ELP3: variants seen among roughly 807,000 people sequenced by gnomAD.
The protein encoded by ELP3 is elongator acetyltransferase complex subunit 3.
Under a neutral mutation model 74.9 loss-of-function variants are expected in ELP3, and 56 were observed. That is an observed-to-expected ratio of 0.75 (90% CI 0.60 to 0.93). The LOEUF is 0.93. Ranked by LOEUF, ELP3 falls within the 40% of genes least tolerant of loss-of-function variation. ELP3 has a pLI of 0.00. For synonymous variants in ELP3, 222 were observed against 239.8 expected, an observed-to-expected ratio of 0.93 and a Z score of 0.68; for missense variants, 573 against 686.5, an observed-to-expected ratio of 0.83 and a Z score of 1.85.
At chr8:28,183,366 C>T in intron 14 of ELP3, 1 of 391,200 alleles carries the variant, frequency 2.6e-6, no homozygotes, top group Non-Finnish European at 5.1e-6. Context: ...TAGGAAAGCT[C>T]AGGGTGTAGA....
chr8:28,111,126 C>T (rs1166087042), intron 6 of ELP3, among the ~76,000 whole-genome samples: 2 of 152,014 alleles, frequency 1.3e-5, no homozygotes, highest in Admixed American at 6.6e-5. Context: ...AGGAAATTTC[C>T]TACAAAGGAG....
chr8:28,179,760 G>T (rs1031213980), intron 14 of ELP3, among the ~76,000 whole-genome samples: 2 of 152,126 alleles, frequency 1.3e-5, no homozygotes, highest in African/African-American at 2.4e-5. Context: ...TAGGATTTGT[G>T]CTCCTTTGAG....
At chr8:28,129,249 A>C in intron 7 of ELP3, 2 of 372,900 alleles carry the variant, frequency 5.4e-6, no homozygotes, top group Non-Finnish European at 9.8e-6. Flanking sequence ...CAGTCACGTC[A>C]ATCTTATGAG....
At chr8:28,165,094 GC>G (rs760008448) in intron 14 of ELP3, among the ~76,000 whole-genome samples, 23 of 152,142 alleles carry the variant, frequency 1.5e-4, no homozygotes, top group Admixed American at 4.6e-4. Context: ...TTCCTGCTTT[GC>G]CAGTAGCTCT....
intron 11 of ELP3, among the ~76,000 whole-genome samples, chr8:28,157,158 C>G (rs1338960396): frequency 6.6e-6 from 1 of 151,994 alleles, no homozygotes; most frequent in Admixed American, 6.6e-5. Flanking sequence ...TTGTTAGCCT[C>G]TATTAAAGTA....
At chr8:28,095,777 C>T (rs7000859) in intron 1 of ELP3, among the ~76,000 whole-genome samples, 3,347 of 152,240 alleles carry the variant, frequency 0.022, 146 homozygotes, top group African/African-American at 0.077. Context: ...ACCTACCCTC[C>T]GTGTTACTGT....
intron 14 of ELP3, among the ~76,000 whole-genome samples, chr8:28,187,987 C>T (rs751437651): frequency 1.4e-4 from 21 of 152,066 alleles, no homozygotes; most frequent in African/African-American, 5.1e-4. Context: ...GTTAGGGATA[C>T]GAGGAGGAAG....
chr8:28,104,134 A>C (rs1349294510), intron 3 of ELP3, among the ~76,000 whole-genome samples: 1 of 152,120 alleles, frequency 6.6e-6, no homozygotes, highest in Admixed American at 6.5e-5. Flanking sequence ...CCGTATACTT[A>C]TTTGCCACTG....
At chr8:28,170,873 G>C (rs367645035) in intron 14 of ELP3, among the ~76,000 whole-genome samples, 7 of 152,094 alleles carry the variant, frequency 4.6e-5, no homozygotes, top group Non-Finnish European at 7.4e-5. Context: ...CCATTAAGCA[G>C]TAACTCCCAG....
Position 28,190,402 on chromosome 8 carries a change from C to G in ELP3, c.*677C>G, listed in dbSNP as rs1383800338. The G allele has an allele frequency of 6.6e-6, 1 of 152,222 alleles. No individual in the cohort carries two copies. Among genetic ancestry groups the G allele is most frequent in the African/African-American group, 2.4e-5 (1 of 41,420 alleles). 9.4% of individuals were successfully genotyped at this position (152,222 alleles called of 1,614,324 possible). On this transcript the variant is annotated 3_prime_UTR_variant, in exon 15 of 15. Transcript: ENST00000256398. ...ATGACAAAGAGCTTCATTCCACATT[C>G]TTTGTTATCTCTACTTCCCACCCTC... is the stretch of plus-strand genomic sequence containing the variant.
At chr8:28,163,996 G>A (rs1208912522) in intron 14 of ELP3, among the ~76,000 whole-genome samples, 3 of 152,144 alleles carry the variant, frequency 2.0e-5, no homozygotes, top group East Asian at 1.9e-4. Context: ...CTGAGATAAC[G>A]ACAACGCTCT....
At chr8:28,156,570 T>C (rs1276251529) in intron 11 of ELP3, among the ~76,000 whole-genome samples, 1 of 152,168 alleles carries the variant, frequency 6.6e-6, no homozygotes, top group African/African-American at 2.4e-5. Context: ...GGGAAATTCT[T>C]AAGTCATAGG....
chr8:28,174,584 A>G (rs1814666773), intron 14 of ELP3, among the ~76,000 whole-genome samples: 1 of 152,254 alleles, frequency 6.6e-6, no homozygotes, highest in South Asian at 2.1e-4. Flanking sequence ...CACAGATTAC[A>G]TCTTTTTACC....
At chr8:28,176,658 G>A (rs917951240) in intron 14 of ELP3, among the ~76,000 whole-genome samples, 1 of 151,990 alleles carries the variant, frequency 6.6e-6, no homozygotes, top group African/African-American at 2.4e-5. Flanking sequence ...TTAGCAGAAG[G>A]ATGAATCTCT....
chr8:28,183,026 C>G (rs529279890), intron 14 of ELP3, among the ~76,000 whole-genome samples: 2 of 152,202 alleles, frequency 1.3e-5, no homozygotes, highest in African/African-American at 4.8e-5. Context: ...TAACTCTACT[C>G]CTCTCGGCCC....
intron 14 of ELP3, among the ~76,000 whole-genome samples, chr8:28,178,450 T>G (rs1032648514): frequency 2.0e-5 from 3 of 152,206 alleles, no homozygotes; most frequent in African/African-American, 7.2e-5. Flanking sequence ...GTTGCATATT[T>G]TTGTTCTGGT....
intron 14 of ELP3, among the ~76,000 whole-genome samples, chr8:28,176,473 A>G (rs1200213065): frequency 6.6e-6 from 1 of 152,146 alleles, no homozygotes; most frequent in Non-Finnish European, 1.5e-5. Flanking sequence ...TCCTGTGGCT[A>G]CGGTGGAGCT....
chr8:28,108,290 C>T (rs1180263005), intron 5 of ELP3, among the ~76,000 whole-genome samples: 3 of 152,112 alleles, frequency 2.0e-5, no homozygotes, highest in African/African-American at 7.2e-5. Context: ...GTTTGCCAAT[C>T]AGGAAACTAG....
chr8:28,160,527 TGAAGA>T (rs1289961722), intron 13 of ELP3, 71 bp downstream of exon 13: 1 of 1,368,906 alleles, frequency 7.3e-7, no homozygotes, highest in Non-Finnish European at 1.0e-6. Context: ...AGGAATGGGG[TGAAGA>T]GAAGAGGAAG....
Sources: allele counts gnomAD v4.1 joint callset (sites outside exome capture counted in the v4.1 genomes callset), GRCh38; gene constraint gnomAD v4.1.1; transcripts MANE v1.5; gene names NCBI Gene and HGNC (gene_info 2026-07-23, HGNC 2026-07-21).